Variants in ITK observed in about 807,000 individuals in gnomAD.
ITK encodes tyrosine-protein kinase ITK/TSK.
In ITK, 45 loss-of-function variants were observed where a neutral mutation model predicts 87.6. That is an observed-to-expected ratio of 0.51 (90% CI 0.40 to 0.66). The LOEUF is 0.66. Among genes scored for constraint, ITK ranks in the 30% least tolerant of loss-of-function variants. The pLI is 0.00. For missense variants in ITK, 605 were observed against 766.3 expected, an observed-to-expected ratio of 0.79 and a Z score of 2.48; for synonymous variants, 303 against 273.6, an observed-to-expected ratio of 1.11 and a Z score of -1.06.
intron 1 of ITK, among the ~76,000 whole-genome samples, chr5:157,198,392 G>A (rs532667309): frequency 2.0e-5 from 3 of 152,146 alleles, no homozygotes; most frequent in African/African-American, 7.2e-5. Context: ...CAAATGGCAG[G>A]TTTTAAAGGA....
chr5:157,196,674 T>A (rs1753860845), intron 1 of ITK, among the ~76,000 whole-genome samples: 1 of 152,236 alleles, frequency 6.6e-6, no homozygotes, highest in South Asian at 2.1e-4. Context: ...TGCTGCATAC[T>A]TGGTTTTACT....
At chr5:157,238,243 G>T in intron 9 of ITK, 52 bp downstream of exon 9, 1 of 1,341,284 alleles carries the variant, frequency 7.5e-7, no homozygotes, top group Non-Finnish European at 1.1e-6. Flanking sequence ...TCTGAAGTGT[G>T]TGAGCACTGG....
intron 8 of ITK, 90 bp downstream of exon 8, chr5:157,232,484 A>G (rs13164045): frequency 0.021 from 18,532 of 880,180 alleles, 282 homozygotes; most frequent in Non-Finnish European, 0.029. Context: ...TGGCAGGCCA[A>G]GGTGGGAGGA....
intron 10 of ITK, chr5:157,241,007 G>C (rs1243446654): frequency 1.4e-5 from 2 of 145,388 alleles, no homozygotes; most frequent in African/African-American, 5.1e-5. Flanking sequence ...GCTCAATCTT[G>C]GCTCACTGCA....
intron 1 of ITK, among the ~76,000 whole-genome samples, chr5:157,187,862 G>T (rs151104751): frequency 0.018 from 2,690 of 151,842 alleles, 73 homozygotes; most frequent in African/African-American, 0.062. Context: ...TACAGTGGTG[G>T]GATCACAGCT....
chr5:157,236,235 C>T (rs1021906746), intron 8 of ITK, among the ~76,000 whole-genome samples: 1 of 151,984 alleles, frequency 6.6e-6, no homozygotes, highest in Non-Finnish European at 1.5e-5. Context: ...ATTAGCCAGG[C>T]GTGGTGGCGG....
chr5:157,247,375 A>G (rs1755040276), intron 15 of ITK, among the ~76,000 whole-genome samples: 1 of 152,168 alleles, frequency 6.6e-6, no homozygotes, highest in South Asian at 2.1e-4. Flanking sequence ...CCCTCTCCCC[A>G]GTGTGTATAA....
intron 1 of ITK, among the ~76,000 whole-genome samples, chr5:157,202,362 C>T (rs1199215889): frequency 6.6e-6 from 1 of 152,106 alleles, no homozygotes; most frequent in East Asian, 1.9e-4. Context: ...TACAGGTGTG[C>T]ACCATCATGC....
intron 2 of ITK, among the ~76,000 whole-genome samples, chr5:157,209,972 C>T (rs1580886076): frequency 1.3e-5 from 2 of 150,680 alleles, no homozygotes; most frequent in East Asian, 3.9e-4. Context: ...GTCACCCAGG[C>T]TGGAGTGCAG....
Position 157,181,007 on chromosome 5 carries a change from G to A in ITK, c.30G>A (p.Gln10=). Residue 10 remains glutamine, a synonymous_variant, in exon 1 of 17, where the codon CAG becomes CAA. Transcript: ENST00000422843. MNNFILLEE[Q]LIKKSQQKRR... is the part of the protein sequence containing the mutation. The stretch of plus-strand genomic sequence containing the variant: ...ACAACTTTATCCTCCTGGAAGAACA[G>A]CTCATCAAGAAATCCCAACAAAAGA... The A allele has an allele frequency of 6.2e-7, 1 of 1,613,950 alleles. No individual in the cohort carries two copies. Among genetic ancestry groups the A allele is most frequent in the East Asian group, 2.2e-5 (1 of 44,882 alleles).
chr5:157,224,637 T>C (rs1379365163), intron 6 of ITK, among the ~76,000 whole-genome samples: 1 of 151,754 alleles, frequency 6.6e-6, no homozygotes, highest in Non-Finnish European at 1.5e-5. Context: ...AGAAATTAGC[T>C]GGGTGTGGTG....
intron 1 of ITK, among the ~76,000 whole-genome samples, chr5:157,205,662 T>C (rs1180056601): frequency 6.6e-6 from 1 of 152,202 alleles, no homozygotes; most frequent in East Asian, 1.9e-4. Flanking sequence ...GCAGACAAAC[T>C]ATATTCCTAA....
At chr5:157,233,932 C>CATATATATATATATATATATATATAT (rs201838461) in intron 8 of ITK, among the ~76,000 whole-genome samples, 5 of 21,520 alleles carry the variant, frequency 2.3e-4, no homozygotes, top group Admixed American at 1.1e-3. Context: ...CTTACTGATA[C>CATATATATATATATATATATATATAT]ATATATATAT....
intron 1 of ITK, among the ~76,000 whole-genome samples, chr5:157,193,772 C>T (rs1403326276): frequency 6.6e-6 from 1 of 152,152 alleles, no homozygotes; most frequent in Admixed American, 6.5e-5. Context: ...TGGTGAGTTT[C>T]TAACATAATC....
Position 157,208,832 on chromosome 5 carries a change from T to C in ITK, c.139-57T>C. ...CTAGCAGTAGATTTCTGGAGCAATC[T>C]GGACAAAAATATTGTCTTCTTTCTT... On this transcript the variant is annotated intron_variant, in intron 1 of 16. Transcript: ENST00000422843. The C allele has an allele frequency of 3.2e-6, 4 of 1,261,206 alleles. No homozygotes were observed. In the South Asian group the frequency reaches 4.9e-5, roughly 15 times the overall value. The allele number at this position is 1,261,206 out of a possible 1,614,324, so 78.1% of individuals were successfully genotyped here. A position where few individuals can be genotyped will look rare whatever the true frequency, so the allele number is the denominator to read the frequency against.
At chr5:157,227,873 C>T (rs1025882328) in intron 6 of ITK, among the ~76,000 whole-genome samples, 1 of 137,804 alleles carries the variant, frequency 7.3e-6, no homozygotes, top group African/African-American at 2.8e-5. Context: ...CTCTGTTGCC[C>T]AGGCTGGAGA....
At chr5:157,206,422 G>T (rs75308057) in intron 1 of ITK, among the ~76,000 whole-genome samples, 1 of 152,104 alleles carries the variant, frequency 6.6e-6, no homozygotes, top group East Asian at 1.9e-4. Context: ...TGGGGGAGAC[G>T]CTCCTCCTCA....
Position 157,181,111 on chromosome 5 carries a change from A to C in ITK, c.134A>C (p.His45Pro). 6.2e-7 allele frequency: 1 copy of C among 1,614,036 alleles called. No individual in the cohort carries two copies. Among genetic ancestry groups the C allele is most frequent in the Non-Finnish European group, 8.5e-7 (1 of 1,179,872 alleles). Residue 45 changes from histidine to proline, a missense_variant, in exon 1 of 17, where the codon CAT becomes CCT. Physicochemically the swap from His to Pro is moderately conservative, Grantham distance 77 (BLOSUM62 -2). This residue lies in a region of ITK where 464 missense variants were observed against 578.0 expected (regional missense o/e 0.80). Coordinates refer to ENST00000422843, the MANE Select transcript of ITK (RefSeq NM_005546.4). ...AGCCTGGCATACTTTGAAGATCGTC[A>C]TGGGGTATGTGAGCAGTTTCATTTG... ...KASLAYFEDR[H>P]GKKRTLKGSI...
At chr5:157,193,504 T>G (rs1308903338) in intron 1 of ITK, among the ~76,000 whole-genome samples, 1 of 152,240 alleles carries the variant, frequency 6.6e-6, no homozygotes, top group Non-Finnish European at 1.5e-5. Context: ...GCATCAAGGT[T>G]AAGTGTTTTA....
Sources: gnomAD v4.1 joint callset for allele counts (sites outside exome capture counted in the v4.1 genomes callset) on GRCh38, gnomAD v4.1.1 for gene constraint, gnomAD v4.1.1 regional missense constraint, MANE v1.5 for transcripts, NCBI Gene and HGNC (gene_info 2026-07-23, HGNC 2026-07-21) for gene names.